PCNX1: variants seen among roughly 807,000 people sequenced by gnomAD.
PCNX1 encodes the protein pecanex-like protein 1.
PCNX1 carries 78 observed loss-of-function variants against 242.2 expected under a neutral mutation model. That is an observed-to-expected ratio of 0.32 (90% CI 0.27 to 0.39). The LOEUF (loss-of-function observed/expected upper bound fraction) is 0.39, where lower values mean the gene tolerates loss of function less well. PCNX1 is among the 10% of genes least tolerant of loss of function. The probability of loss-of-function intolerance (pLI) is 1.00; values close to 1 mark genes in which losing one functional copy is unlikely to be tolerated. For missense variants in PCNX1, 2,581 were observed against 2,856.5 expected, an observed-to-expected ratio of 0.90 and a Z score of 2.20; for synonymous variants, 1,024 against 1,032.9, an observed-to-expected ratio of 0.99 and a Z score of 0.17.
Position 70,919,495 on chromosome 14 carries a change from G to T in PCNX1, c.153+11492G>T, listed in dbSNP as rs143159861. ...AGCTGGAGGGGCTAAGAATTTTTTG[G>T]CAGGTGAGTTGAGACACCTGAGAGT... On this transcript the variant is annotated intron_variant, in intron 1 of 35. Transcript: ENST00000304743. Among the ~76,000 whole-genome samples the T allele has an allele frequency of 3.1e-3, 468 of 152,092 alleles. 5 individuals carry two copies. The highest frequency in any genetic ancestry group is 0.011 in the African/African-American group (449 of 41,520).
intron 6 of PCNX1, among the ~76,000 whole-genome samples, chr14:70,986,837 G>A (rs2059016039): frequency 6.6e-6 from 1 of 152,152 alleles, no homozygotes; most frequent in Admixed American, 6.5e-5. Context: ...TACAAATAAT[G>A]CTTTATAAAT....
At chr14:71,095,616 T>C (rs1364683351) in intron 30 of PCNX1, among the ~76,000 whole-genome samples, 5 of 152,252 alleles carry the variant, frequency 3.3e-5, no homozygotes, top group Non-Finnish European at 7.3e-5. Context: ...TACATTTTCA[T>C]CTATGTGTGT....
intron 13 of PCNX1, among the ~76,000 whole-genome samples, chr14:71,023,797 A>T (rs1016829784): frequency 2.0e-5 from 3 of 152,100 alleles, no homozygotes; most frequent in Non-Finnish European, 1.5e-5. Flanking sequence ...AGAACAGAGG[A>T]TATTCTATTT....
At chr14:71,041,870 A>C (rs1038337762) in intron 19 of PCNX1, among the ~76,000 whole-genome samples, 2 of 151,856 alleles carry the variant, frequency 1.3e-5, no homozygotes, top group Non-Finnish European at 2.9e-5. Context: ...CATAGGTTTT[A>C]GTATGTTGTA....
At chr14:70,955,939 C>G (rs1209789561) in intron 2 of PCNX1, among the ~76,000 whole-genome samples, 1 of 151,968 alleles carries the variant, frequency 6.6e-6, no homozygotes, top group East Asian at 1.9e-4. Flanking sequence ...TTTCTTCCCA[C>G]ACATTGTTGT....
At chr14:70,987,679 T>C (rs564687683) in intron 6 of PCNX1, among the ~76,000 whole-genome samples, 104 of 152,318 alleles carry the variant, frequency 6.8e-4, no homozygotes, top group African/African-American at 2.4e-3. Flanking sequence ...TGAAAATCAT[T>C]TTACATTTTG....
intron 3 of PCNX1, 111 bp from the exon 4 acceptor site, chr14:70,968,087 C>G (rs763213263): frequency 7.6e-6 from 6 of 786,624 alleles, no homozygotes; most frequent in African/African-American, 5.2e-5. Flanking sequence ...TAAAAATGAT[C>G]GATAACATGT....
chr14:71,019,589 A>G lies in PCNX1; in HGVS notation c.3150+427A>G, dbSNP rs1244093314. ...GCTAATTTTCGTATTTTTAGTAGAG[A>G]CGGGGTTTCACCATGTTGGTCAGGC... is the stretch of plus-strand genomic sequence containing the variant. On this transcript the variant is annotated intron_variant, in intron 12 of 35. Transcript: ENST00000304743. Among the ~76,000 whole-genome samples the G allele has an allele frequency of 2.0e-5, 3 of 152,072 alleles. No individual in the cohort carries two copies. In the East Asian group the frequency reaches 5.8e-4, roughly 29 times the overall value.
chr14:71,057,383 A>G (rs2061212018), intron 25 of PCNX1, 126 bp from the exon 26 acceptor site: 10 of 640,692 alleles, frequency 1.6e-5, no homozygotes, highest in Non-Finnish European at 2.5e-5. Flanking sequence ...CTGTAAGGGT[A>G]TGAATGTTAT....
At position 71,076,260 on chromosome 14, in the gene PCNX1, A is replaced by C; in HGVS notation, c.5178A>C (p.Gly1726=). The C allele has an allele frequency of 6.2e-7, 1 of 1,613,912 alleles. No homozygotes were observed. Among genetic ancestry groups the C allele is most frequent in the Non-Finnish European group, 8.5e-7 (1 of 1,179,924 alleles). Residue 1726 remains glycine, a synonymous_variant, in exon 28 of 36, where the codon GGA becomes GGC. Transcript: ENST00000304743. ...TAGCTAATGAGACAATGCAGGAAGGACTTCGTCTGTGTGCTGATCGCAATT... is the reference window on the plus strand; with the variant it reads ...TAGCTAATGAGACAATGCAGGAAGGCCTTCGTCTGTGTGCTGATCGCAATT... ...EWLANETMQE[G]LRLCADRNYV...
At chr14:71,056,756 G>T (rs776190457) in intron 25 of PCNX1, among the ~76,000 whole-genome samples, 17 of 151,546 alleles carry the variant, frequency 1.1e-4, no homozygotes, top group Non-Finnish European at 1.8e-4. Context: ...ACAGCTCACT[G>T]CAACCTCCAC....
chr14:71,046,085 C>T (rs988171033), intron 20 of PCNX1, among the ~76,000 whole-genome samples: 3 of 151,814 alleles, frequency 2.0e-5, no homozygotes, highest in Non-Finnish European at 4.4e-5. Flanking sequence ...GTAAATCATT[C>T]AGTTGCTTGA....
rs1315551297 is a variant in PCNX1 at position 71,111,693 on chromosome 14, C to T, written c.*1758C>T. ...TGAACATACAGAACTTACTGCATTT[C>T]CACTTTAAAACCTATTTATTTTCCC... On this transcript the variant is annotated 3_prime_UTR_variant, in exon 36 of 36. Coordinates refer to ENST00000304743, the MANE Select transcript of PCNX1 (RefSeq NM_014982.3). The T allele has an allele frequency of 2.0e-5, 3 of 152,032 alleles. No individual in the cohort carries two copies. The highest frequency in any genetic ancestry group is 4.4e-5 in the Non-Finnish European group (3 of 67,932). 9.4% of individuals were successfully genotyped at this position (152,032 alleles called of 1,614,324 possible).
In PCNX1 at chr14:71,108,704, G is replaced by T; in HGVS notation, c.6402G>T (p.Arg2134=). The change falls in exon 34 of 36, where the codon CGG becomes CGT. Residue 2134 remains arginine, a synonymous_variant. Transcript: ENST00000304743. ...AGTCTTCCTACTGCTATAGCAGCCGGCATTCATCCCTCCGGATGTCCACCA... is the reference window on the plus strand; with the variant it reads ...AGTCTTCCTACTGCTATAGCAGCCGTCATTCATCCCTCCGGATGTCCACCA... ...ASQSSYCYSS[R]HSSLRMSTTG... 1 of 1,614,206 alleles carries T rather than the reference G, an allele frequency of 6.2e-7. No homozygotes were observed. Among genetic ancestry groups the T allele is most frequent in the Non-Finnish European group, 8.5e-7 (1 of 1,180,026 alleles).
At chr14:71,045,758 T>C (rs1306572015) in intron 20 of PCNX1, among the ~76,000 whole-genome samples, 1 of 152,074 alleles carries the variant, frequency 6.6e-6, no homozygotes, top group Admixed American at 6.6e-5. Flanking sequence ...TGTAAAAGAG[T>C]TGACAAAGTA....
chr14:70,938,751 T>C (rs190497423), intron 1 of PCNX1, among the ~76,000 whole-genome samples: 1 of 152,328 alleles, frequency 6.6e-6, no homozygotes, highest in African/African-American at 2.4e-5. Context: ...TGTGAATCCC[T>C]TTGGTCCTGG....
intron 11 of PCNX1, among the ~76,000 whole-genome samples, chr14:71,015,377 G>T (rs1429388990): frequency 6.6e-6 from 1 of 152,198 alleles, no homozygotes; most frequent in African/African-American, 2.4e-5. Flanking sequence ...GCTTCGTGTG[G>T]TTTATAACAT....
chr14:70,948,576 T>C (rs999393446), intron 2 of PCNX1, among the ~76,000 whole-genome samples: 1 of 151,812 alleles, frequency 6.6e-6, no homozygotes, highest in East Asian at 1.9e-4. Flanking sequence ...TGTGTATATA[T>C]ACACATATGC....
chr14:70,994,427 A>ATGTATG lies in PCNX1; in HGVS notation c.2445-1313_2445-1312insGTATGT, dbSNP rs1555357430. On this transcript the variant is annotated intron_variant, in intron 7 of 35. Transcript: ENST00000304743. Reference sequence around the variant, plus strand: ...TATATATATATATATATATATATATATATGTATGTATGTATGTTTCAACAT... The same window carrying ATGTATG: ...TATATATATATATATATATATATATATGTATGTATGTATGTATGTATGTTTCAACAT... Among the ~76,000 whole-genome samples the ATGTATG allele has an allele frequency of 3.9e-3, 344 of 88,690 alleles. 2 individuals are homozygous for ATGTATG. Among genetic ancestry groups the ATGTATG allele is most frequent in the African/African-American group, 0.013 (314 of 24,056 alleles). 58.2% of individuals were successfully genotyped at this position (88,690 alleles called of 152,430 possible). A position where few individuals can be genotyped will look rare whatever the true frequency, so the allele number is the denominator to read the frequency against.
Sources: allele counts gnomAD v4.1 joint callset (sites outside exome capture counted in the v4.1 genomes callset), GRCh38; gene constraint gnomAD v4.1.1; transcripts MANE v1.5; gene names NCBI Gene and HGNC (gene_info 2026-07-23, HGNC 2026-07-21).